Variants in STYK1 observed in about 807,000 individuals in gnomAD.
STYK1 encodes the protein STY kinase 1, also known as tyrosine-protein kinase STYK1.
In STYK1, 46 loss-of-function variants were observed where a neutral mutation model predicts 48.1. That is an observed-to-expected ratio of 0.96 (90% CI 0.75 to 1.22). STYK1 has a LOEUF of 1.22. STYK1 is among the 50% of genes most tolerant of loss of function. The pLI is 0.00. For missense variants in STYK1, 527 were observed against 521.1 expected, an observed-to-expected ratio of 1.01 and a Z score of -0.11; for synonymous variants, 188 against 189.0, an observed-to-expected ratio of 0.99 and a Z score of 0.04.
At chr12:10,629,821 T>C (rs1038506951) in intron 5 of STYK1, 147 bp from the exon 6 acceptor site, 36 of 727,018 alleles carry the variant, frequency 5.0e-5, no homozygotes, top group Admixed American at 7.8e-5. Flanking sequence ...AGGGGACTAA[T>C]TAGATGAAGA....
chr12:10,654,280 G>A (rs1947694223), intron 1 of STYK1, among the ~76,000 whole-genome samples: 1 of 152,180 alleles, frequency 6.6e-6, no homozygotes, highest in Admixed American at 6.5e-5. Context: ...AAATAACTAA[G>A]TATACTCAGT....
intron 8 of STYK1, 106 bp from the exon 9 acceptor site, chr12:10,622,784 T>C (rs1008925705): frequency 7.5e-7 from 1 of 1,330,702 alleles, no homozygotes. Flanking sequence ...AAAAAGGCAA[T>C]GAAGGAGAAT....
chr12:10,626,120 C>T (rs1187266280), intron 7 of STYK1, among the ~76,000 whole-genome samples: 1 of 152,116 alleles, frequency 6.6e-6, no homozygotes, highest in East Asian at 1.9e-4. Flanking sequence ...TAGCAGTTTT[C>T]TGTGCCTGGT....
chr12:10,668,621 C>T (rs1947860909), intron 1 of STYK1, among the ~76,000 whole-genome samples: 1 of 144,000 alleles, frequency 6.9e-6, no homozygotes, highest in Non-Finnish European at 1.5e-5. Context: ...TCTCGAACTC[C>T]TGACCTCAGG....
intron 1 of STYK1, among the ~76,000 whole-genome samples, chr12:10,658,046 T>C (rs953589762): frequency 6.6e-6 from 1 of 152,180 alleles, no homozygotes; most frequent in Non-Finnish European, 1.5e-5. Flanking sequence ...TTGTGGAAGA[T>C]TTGTGAAAAA....
chr12:10,630,263 G>A (rs935801931), intron 5 of STYK1, among the ~76,000 whole-genome samples: 4 of 151,448 alleles, frequency 2.6e-5, no homozygotes, highest in Non-Finnish European at 5.9e-5. Flanking sequence ...GCACACGGCT[G>A]TAATCCCAGC....
chr12:10,654,040 CA>C (rs1270221164), intron 1 of STYK1, among the ~76,000 whole-genome samples: 1 of 152,166 alleles, frequency 6.6e-6, no homozygotes, highest in African/African-American at 2.4e-5. Context: ...CCACCTAAAC[CA>C]AGATGGCCAT....
intron 5 of STYK1, among the ~76,000 whole-genome samples, chr12:10,629,885 T>C (rs1947403636): frequency 6.6e-6 from 1 of 152,198 alleles, no homozygotes; most frequent in African/African-American, 2.4e-5. Flanking sequence ...TCATAATTAT[T>C]AGAACTGGAT....
rs1244272001 is a variant in STYK1 at position 10,621,958 on chromosome 12, G to T, written c.982C>A (p.Pro328Thr). The T allele has an allele frequency of 6.2e-7, 1 of 1,613,776 alleles. No individual in the cohort carries two copies. The highest frequency in any genetic ancestry group is 2.2e-5 in the East Asian group (1 of 44,866). The part of the protein sequence containing the change: ...EMVTLGAPPY[P>T]EVPPTSILEH... ...AGGATGCTGGTAGGAGGGACTTCAG[G>T]ATACGGTGGTGCTCCTGTCATTACG... Residue 328 changes from proline (P) to threonine (T), a missense_variant, in exon 10 of 11, where the codon CCT (proline) becomes ACT (threonine). Transcript: ENST00000075503.
chr12:10,632,185 C>A (rs942569771), intron 4 of STYK1, among the ~76,000 whole-genome samples: 1 of 144,042 alleles, frequency 6.9e-6, no homozygotes, highest in African/African-American at 2.5e-5. Flanking sequence ...AGCAACATAG[C>A]GAGACTCCAT....
Position 10,645,350 on chromosome 12 carries a change from C to G in STYK1, c.-194-8154G>C, listed in dbSNP as rs531905502. ...TTTGCGACCTATATGAATGAGAGGACTGAAAAGAGGAGTTCAGAGAGAGAT... is the reference window on the plus strand; with the variant it reads ...TTTGCGACCTATATGAATGAGAGGAGTGAAAAGAGGAGTTCAGAGAGAGAT... On this transcript the variant is annotated intron_variant, in intron 1 of 10. Coordinates refer to ENST00000075503, the MANE Select transcript of STYK1 (RefSeq NM_018423.3). Among the ~76,000 whole-genome samples, 5 of 152,114 alleles carry G rather than the reference C, an allele frequency of 3.3e-5. No individual in the cohort carries two copies. In the South Asian group the frequency reaches 1.0e-3, roughly 32 times the overall value.
At chr12:10,624,423 TAGAAAAGAAAAGA>T (rs749330160) in intron 8 of STYK1, among the ~76,000 whole-genome samples, 16 of 151,906 alleles carry the variant, frequency 1.1e-4, no homozygotes, top group Non-Finnish European at 1.6e-4. Flanking sequence ...GATCCTGTCT[TAGAAAAGAAAAGA>T]AGAAAAGAAA....
At chr12:10,668,539 C>CTTTT (rs55897413) in intron 1 of STYK1, among the ~76,000 whole-genome samples, 7 of 46,530 alleles carry the variant, frequency 1.5e-4, no homozygotes, top group Non-Finnish European at 1.7e-4. Context: ...CCACACCTGG[C>CTTTT]TTTTTTTTTT....
At position 10,634,029 on chromosome 12, in the gene STYK1, T is replaced by G. The variant is rs750630776; in HGVS notation, c.148A>C (p.Arg50=). The change falls in exon 4 of 11, where the codon AGA becomes CGA. Residue 50 remains arginine (R), a synonymous_variant. Coordinates refer to ENST00000075503, the MANE Select transcript of STYK1 (RefSeq NM_018423.3). ...LLGVILWLFI[R]EQRTQQQRSG... The stretch of plus-strand genomic sequence containing the variant: ...CGCTGCTGTTGAGTTCTTTGTTCTC[T>G]GATAAAAAGCCACAGGATGACCCCA... 6.2e-7 allele frequency: 1 copy of G among 1,614,136 alleles called. No individual in the cohort carries two copies. Among genetic ancestry groups the G allele is most frequent in the East Asian group, 2.2e-5 (1 of 44,870 alleles).
chr12:10,631,297 CA>C lies in STYK1; in HGVS notation c.198del (p.Val67PhefsTer7). The C allele has an allele frequency of 1.2e-6, 2 of 1,614,152 alleles. No homozygotes were observed. Among genetic ancestry groups the C allele is most frequent in the Non-Finnish European group, 1.7e-6 (2 of 1,179,988 alleles). ...CAGCTTAGGTCCCTAGGTGGAGGAA[CA>C]GGGGCAATGCCTAGAACAGAGAGAT... ...QQRSGPQGIA[P>X]VPPPRDLSWE... is the part of the protein sequence containing the mutation. On this transcript the variant is annotated frameshift_variant, in exon 5 of 11. Transcript: ENST00000075503. LOFTEE classifies it high-confidence loss of function.
At position 10,634,098 on chromosome 12, in the gene STYK1, T is replaced by C; in HGVS notation, c.79A>G (p.Ile27Val). The change falls in exon 4 of 11, where the codon ATT becomes GTT. Residue 27 changes from isoleucine (I) to valine (V), a missense_variant. Physicochemically the swap from Ile to Val is conservative, Grantham distance 29. Transcript: ENST00000075503. ...GTAACCAACAAAGTTGGGACGATAA[T>C]CACTTCATACTGCTTCTCCTGGATG... ...CVIQEKQYEVIIVPTLLVTIF... is the reference protein window; with the variant it reads ...CVIQEKQYEVVIVPTLLVTIF... 1 of 1,613,994 alleles carries C rather than the reference T, an allele frequency of 6.2e-7. No homozygotes were observed.
intron 2 of STYK1, among the ~76,000 whole-genome samples, chr12:10,635,898 A>C (rs1387221777): frequency 1.3e-5 from 2 of 152,102 alleles, no homozygotes; most frequent in Non-Finnish European, 2.9e-5. Flanking sequence ...TTGACAAGAC[A>C]CTCCCATGGT....
intron 1 of STYK1, among the ~76,000 whole-genome samples, chr12:10,664,414 A>G (rs1036563994): frequency 6.6e-6 from 1 of 152,220 alleles, no homozygotes; most frequent in Non-Finnish European, 1.5e-5. Flanking sequence ...AAAAGTCCAC[A>G]AAGATGCAGC....
At chr12:10,649,983 G>A (rs551098359) in intron 1 of STYK1, among the ~76,000 whole-genome samples, 36 of 151,766 alleles carry the variant, frequency 2.4e-4, no homozygotes, top group Non-Finnish European at 2.9e-4. Flanking sequence ...GCGTGGTGGC[G>A]GGCCCCTGTA....
Sources: allele counts gnomAD v4.1 joint callset (sites outside exome capture counted in the v4.1 genomes callset), GRCh38; gene constraint gnomAD v4.1.1; transcripts MANE v1.5; gene names NCBI Gene and HGNC (gene_info 2026-07-23, HGNC 2026-07-21).